Variants in PCDHA3 observed in about 807,000 individuals in gnomAD.
The protein encoded by PCDHA3 is protocadherin alpha-3.
In PCDHA3, 41 loss-of-function variants were observed where a neutral mutation model predicts 62.2. The ratio of observed to expected loss-of-function variants is 0.66; its 90% confidence interval spans 0.51 to 0.86. The LOEUF is 0.86. Ranked by LOEUF, PCDHA3 falls within the 40% of genes least tolerant of loss-of-function variation. The pLI, the probability that PCDHA3 is intolerant of heterozygous loss-of-function variation, is 0.00. For synonymous variants in PCDHA3, 640 were observed against 555.4 expected (o/e 1.15, Z -2.14); for missense variants, 1,304 against 1,241.2 (o/e 1.05, Z -0.76).
At chr5:140,999,592 C>T (rs1443096475) in intron 3 of PCDHA3, among the ~76,000 whole-genome samples, 2 of 152,114 alleles carry the variant, frequency 1.3e-5, no homozygotes, top group Non-Finnish European at 2.9e-5. Flanking sequence ...ATTGCCTTCC[C>T]TACATCCTGG....
chr5:140,943,620 A>G (rs1285848217), intron 1 of PCDHA3, among the ~76,000 whole-genome samples: 1 of 152,200 alleles, frequency 6.6e-6, no homozygotes, highest in Non-Finnish European at 1.5e-5. Context: ...ATTCATCTGC[A>G]TAAGGAAGCT....
At chr5:140,822,745 A>G (rs1767421086) in intron 1 of PCDHA3, 7 of 1,613,644 alleles carry the variant, frequency 4.3e-6, no homozygotes, top group South Asian at 2.2e-5. Context: ...TGCCATGGAT[A>G]AAAGTACATT....
intron 1 of PCDHA3, chr5:140,860,038 C>T (rs1333374793): frequency 6.6e-6 from 1 of 151,844 alleles, no homozygotes; most frequent in African/African-American, 2.4e-5. Context: ...CCTGTAATCC[C>T]AGCATTTTGA....
intron 1 of PCDHA3, chr5:140,804,746 T>A: frequency 4.7e-6 from 1 of 213,384 alleles, no homozygotes; most frequent in Non-Finnish European, 9.2e-6. Context: ...TATTTGGTTA[T>A]CTCCTCTAGC....
chr5:140,947,315 C>T (rs116397497), intron 1 of PCDHA3, among the ~76,000 whole-genome samples: 3,556 of 151,556 alleles, frequency 0.023, 49 homozygotes, highest in Middle Eastern at 0.034. Flanking sequence ...TGTAAAAAGT[C>T]GGTTGACCAT....
At chr5:140,888,613 A>C (rs782529480) in intron 1 of PCDHA3, among the ~76,000 whole-genome samples, 4 of 152,184 alleles carry the variant, frequency 2.6e-5, no homozygotes, top group Non-Finnish European at 5.9e-5. Flanking sequence ...TTAGTGTAGC[A>C]CTAATTCGGC....
intron 1 of PCDHA3, among the ~76,000 whole-genome samples, chr5:140,944,007 C>T (rs1181625750): frequency 1.3e-5 from 2 of 152,046 alleles, no homozygotes; most frequent in Non-Finnish European, 2.9e-5. Flanking sequence ...TGAGTACCCC[C>T]CAAAAGCAAT....
intron 1 of PCDHA3, chr5:140,825,426 T>C (rs1234497621): frequency 6.8e-6 from 1 of 147,558 alleles, no homozygotes; most frequent in Non-Finnish European, 1.5e-5. Flanking sequence ...ATATATATAA[T>C]AAATATATAA....
At chr5:140,993,123 C>G (rs925185301) in intron 3 of PCDHA3, among the ~76,000 whole-genome samples, 1 of 152,180 alleles carries the variant, frequency 6.6e-6, no homozygotes, top group African/African-American at 2.4e-5. Context: ...ACATCAATTT[C>G]CTTCTGTTGC....
intron 1 of PCDHA3, among the ~76,000 whole-genome samples, chr5:140,896,747 G>C (rs1162214018): frequency 1.3e-5 from 2 of 152,070 alleles, no homozygotes; most frequent in Admixed American, 1.3e-4. Context: ...ATAGATTCTG[G>C]ATATTAGACC....
In PCDHA3 at chr5:140,803,057, C is replaced by T. The variant is rs782603015; in HGVS notation, c.1860C>T (p.Ile620=). The stretch of plus-strand genomic sequence containing the variant: ...AGCCTGGGACCGGCGGTGCGCGCAT[C>T]CCGTTTCGCGTGGGGCTGTACACGG... ...ELQPGTGGAR[I]PFRVGLYTGE... is the part of the protein sequence containing the mutation. Residue 620 remains isoleucine, a synonymous_variant, in exon 1 of 4, where the codon ATC becomes ATT. Coordinates refer to ENST00000522353, the MANE Select transcript of PCDHA3 (RefSeq NM_018906.3). 5.0e-6 allele frequency: 8 copies of T among 1,613,884 alleles called. No individual in the cohort carries two copies. The highest frequency in any genetic ancestry group is 1.3e-5 in the African/African-American group (1 of 74,952).
At chr5:140,877,599 C>T (rs1325384029) in intron 1 of PCDHA3, 5 of 1,613,882 alleles carry the variant, frequency 3.1e-6, no homozygotes, top group East Asian at 2.2e-5. Context: ...CGGTGTCCAG[C>T]CTGCTGGTGC....
chr5:140,907,439 A>T (rs1217956706), intron 1 of PCDHA3, among the ~76,000 whole-genome samples: 1 of 152,250 alleles, frequency 6.6e-6, no homozygotes, highest in Non-Finnish European at 1.5e-5. Flanking sequence ...CTGTGAGTCC[A>T]CAGATGGTAA....
At chr5:140,867,855 G>A (rs1340065029) in intron 1 of PCDHA3, 1 of 152,094 alleles carries the variant, frequency 6.6e-6, no homozygotes, top group South Asian at 2.1e-4. Context: ...TAGTTGAATT[G>A]TTTGATTAAT....
chr5:140,828,024 C>T (rs1769491669), intron 1 of PCDHA3: 2 of 1,516,724 alleles, frequency 1.3e-6, no homozygotes, highest in African/African-American at 1.4e-5. Flanking sequence ...TAATAAATTC[C>T]GGAACATACA....
intron 1 of PCDHA3, among the ~76,000 whole-genome samples, chr5:140,904,728 T>G (rs1357605257): frequency 6.6e-6 from 1 of 152,198 alleles, no homozygotes; most frequent in Non-Finnish European, 1.5e-5. Flanking sequence ...CCAACATCTA[T>G]TATTTTTTTA....
At chr5:140,892,158 T>C (rs1442080527) in intron 1 of PCDHA3, among the ~76,000 whole-genome samples, 1 of 152,242 alleles carries the variant, frequency 6.6e-6, no homozygotes, top group Non-Finnish European at 1.5e-5. Context: ...ATTTCTGATA[T>C]GTCCAGTAAC....
At chr5:140,965,033 T>C (rs1563339344) in intron 1 of PCDHA3, among the ~76,000 whole-genome samples, 2 of 152,192 alleles carry the variant, frequency 1.3e-5, no homozygotes, top group African/African-American at 4.8e-5. Flanking sequence ...CCTTTAACTG[T>C]CCGCTCTAGG....
At chr5:140,958,703 C>T (rs1302459806) in intron 1 of PCDHA3, among the ~76,000 whole-genome samples, 3 of 152,112 alleles carry the variant, frequency 2.0e-5, no homozygotes, top group Non-Finnish European at 4.4e-5. Flanking sequence ...AGAGTGACAA[C>T]TCTGTTATAA....
Sources: allele counts gnomAD v4.1 joint callset (sites outside exome capture counted in the v4.1 genomes callset), GRCh38; gene constraint gnomAD v4.1.1; transcripts MANE v1.5; gene names NCBI Gene and HGNC (gene_info 2026-07-23, HGNC 2026-07-21).